The following CDH13 variants were observed in gnomAD, a reference collection of about 807,000 sequenced individuals.
CDH13 encodes cadherin-13.
Under a neutral mutation model 63.8 loss-of-function variants are expected in CDH13, and 24 were observed. The observed-to-expected ratio is 0.38, with a 90% CI of 0.27 to 0.53. CDH13 has a LOEUF of 0.53. Ranked by LOEUF, CDH13 falls within the 20% of genes least tolerant of loss-of-function variation. The probability of loss-of-function intolerance (pLI) is 0.85; values close to 1 mark genes in which losing one functional copy is unlikely to be tolerated. For synonymous variants in CDH13, 503 were observed against 355.3 expected (o/e 1.42, Z -4.67); for missense variants, 1,049 against 903.1 (o/e 1.16, Z -2.07).
At chr16:83,071,532 A>G (rs2032438183) in intron 3 of CDH13, among the ~76,000 whole-genome samples, 1 of 152,168 alleles carries the variant, frequency 6.6e-6, no homozygotes, top group South Asian at 2.1e-4. Context: ...TCACTGACCC[A>G]TTAATAGACA....
intron 3 of CDH13, among the ~76,000 whole-genome samples, chr16:83,060,698 C>G (rs1443439714): frequency 3.3e-5 from 5 of 152,218 alleles, no homozygotes; most frequent in Non-Finnish European, 7.3e-5. Flanking sequence ...CCTCACTGTG[C>G]AAATACATCT....
intron 2 of CDH13, among the ~76,000 whole-genome samples, chr16:82,860,508 T>C (rs1019409549): frequency 1.3e-5 from 2 of 151,990 alleles, no homozygotes; most frequent in East Asian, 1.9e-4. Context: ...TTATCAATGA[T>C]AACACATTCA....
chr16:82,918,498 C>T (rs558863196), intron 2 of CDH13, among the ~76,000 whole-genome samples: 1 of 145,404 alleles, frequency 6.9e-6, no homozygotes, highest in Non-Finnish European at 1.5e-5. Flanking sequence ...AAGGTATGTA[C>T]ACTTTCACTT....
At chr16:83,251,164 G>C (rs570484082) in intron 5 of CDH13, among the ~76,000 whole-genome samples, 1 of 151,998 alleles carries the variant, frequency 6.6e-6, no homozygotes, top group Non-Finnish European at 1.5e-5. Context: ...TCATAGATTT[G>C]TAAGATATTG....
chr16:83,618,968 G>A (rs1330086523), intron 8 of CDH13, among the ~76,000 whole-genome samples: 1 of 152,164 alleles, frequency 6.6e-6, no homozygotes, highest in Non-Finnish European at 1.5e-5. Flanking sequence ...TACAGACTGA[G>A]TATCAGTTTT....
chr16:83,214,283 T>C (rs1297915001), intron 4 of CDH13, among the ~76,000 whole-genome samples: 1 of 151,726 alleles, frequency 6.6e-6, no homozygotes, highest in Non-Finnish European at 1.5e-5. Context: ...ATTTTGTTAT[T>C]AAAAAGGAAA....
At chr16:82,655,309 T>C (rs889938867) in intron 1 of CDH13, among the ~76,000 whole-genome samples, 1 of 152,134 alleles carries the variant, frequency 6.6e-6, no homozygotes, top group African/African-American at 2.4e-5. Context: ...GGGTAAAGTG[T>C]GACGAAGGTG....
intron 8 of CDH13, among the ~76,000 whole-genome samples, chr16:83,604,078 T>C (rs968023836): frequency 4.6e-5 from 7 of 152,116 alleles, no homozygotes; most frequent in Non-Finnish European, 1.0e-4. Flanking sequence ...ACTACAACAC[T>C]GGGAATTATA....
intron 2 of CDH13, among the ~76,000 whole-genome samples, chr16:82,896,324 C>A (rs937108146): frequency 9.2e-6 from 1 of 108,786 alleles, no homozygotes; most frequent in African/African-American, 3.3e-5. Flanking sequence ...CAAGGTCTTC[C>A]TCTGTCTCCC....
intron 4 of CDH13, among the ~76,000 whole-genome samples, chr16:83,192,316 T>A (rs543035912): frequency 6.6e-6 from 1 of 152,296 alleles, no homozygotes; most frequent in South Asian, 2.1e-4. Context: ...TCAGGGACTG[T>A]GCTGTGGATT....
chr16:82,729,745 CTCTA>C (rs764509074), intron 1 of CDH13, among the ~76,000 whole-genome samples: 29 of 152,310 alleles, frequency 1.9e-4, no homozygotes, highest in Non-Finnish European at 3.8e-4. Context: ...AGTGACTTCT[CTCTA>C]TCTAGGCAAT....
At chr16:83,402,306 C>G (rs566146484) in intron 6 of CDH13, among the ~76,000 whole-genome samples, 1 of 152,172 alleles carries the variant, frequency 6.6e-6, no homozygotes, top group African/African-American at 2.4e-5. Context: ...TGCATGAGCT[C>G]ATCCTCACCA....
intron 5 of CDH13, among the ~76,000 whole-genome samples, chr16:83,218,317 G>T (rs7198772): frequency 6.6e-6 from 1 of 151,978 alleles, no homozygotes; most frequent in East Asian, 1.9e-4. Context: ...TGGGCAATGC[G>T]CTCAAGGGTC....
intron 6 of CDH13, among the ~76,000 whole-genome samples, chr16:83,391,626 T>G (rs1389919487): frequency 6.6e-6 from 1 of 152,148 alleles, no homozygotes; most frequent in Admixed American, 6.5e-5. Flanking sequence ...CTGGAAAACA[T>G]AATGAAGTGG....
intron 11 of CDH13, among the ~76,000 whole-genome samples, chr16:83,775,227 T>A (rs1214636892): frequency 6.6e-6 from 1 of 151,788 alleles, no homozygotes; most frequent in South Asian, 2.1e-4. Context: ...CCTCAGATCT[T>A]CTGCTCTGAT....
chr16:82,938,537 A>G (rs1760986040), intron 2 of CDH13, among the ~76,000 whole-genome samples: 1 of 152,202 alleles, frequency 6.6e-6, no homozygotes, highest in African/African-American at 2.4e-5. Context: ...GCCCAGCATC[A>G]GCAGGGGCCT....
chr16:83,351,483 A>G (rs1384502813), intron 6 of CDH13, among the ~76,000 whole-genome samples: 2 of 152,104 alleles, frequency 1.3e-5, no homozygotes, highest in African/African-American at 2.4e-5. Flanking sequence ...GTTTTACAGA[A>G]TGGGAGCTCT....
chr16:82,724,143 T>C (rs1281819003), intron 1 of CDH13, among the ~76,000 whole-genome samples: 2 of 152,210 alleles, frequency 1.3e-5, no homozygotes, highest in Non-Finnish European at 2.9e-5. Context: ...GTAAAGAGGT[T>C]TTTTGTTATA....
chr16:82,758,005 G>A (rs367844102), intron 1 of CDH13, among the ~76,000 whole-genome samples: 1 of 152,082 alleles, frequency 6.6e-6, no homozygotes, highest in East Asian at 1.9e-4. Flanking sequence ...AATCTCTCTG[G>A]CAAGTGTGTG....
Sources: allele counts gnomAD v4.1 joint callset (sites outside exome capture counted in the v4.1 genomes callset), GRCh38; gene constraint gnomAD v4.1.1; transcripts MANE v1.5; gene names NCBI Gene and HGNC (gene_info 2026-07-23, HGNC 2026-07-21).